RCN3: variants seen among roughly 807,000 people sequenced by gnomAD.
RCN3 encodes reticulocalbin 3.
In RCN3, 41 loss-of-function variants were observed where a neutral mutation model predicts 35.9. The ratio of observed to expected loss-of-function variants is 1.14; its 90% CI spans 0.89 to 1.48. The LOEUF (loss-of-function observed/expected upper bound fraction) is 1.48, where lower values mean the gene tolerates loss of function less well. Among genes scored for constraint, RCN3 ranks in the 40% most tolerant of loss-of-function variants. The pLI is 0.00. For synonymous variants in RCN3, 187 were observed against 193.4 expected, an observed-to-expected ratio of 0.97 and a Z score of 0.27; for missense variants, 451 against 471.3, an observed-to-expected ratio of 0.96 and a Z score of 0.40.
chr19:49,528,687 C>T lies in RCN3; in HGVS notation c.215C>T (p.Thr72Ile). ...REVAKEFDQL[T>I]PEESQARLGR... ...GTGGCCAAGGAATTCGACCAACTCA[C>T]CCCAGAGGAAAGCCAGGCCCGTCTG... Residue 72 changes from threonine (T) to isoleucine (I), a missense_variant, in exon 2 of 7, where the codon ACC becomes ATC. By Grantham distance (89) the Thr-to-Ile change is moderately conservative (BLOSUM62 -1). Transcript: ENST00000270645. 1 of 1,603,670 alleles carries T rather than the reference C, an allele frequency of 6.2e-7. No homozygotes were observed. The highest frequency in any genetic ancestry group is 8.5e-7 in the Non-Finnish European group (1 of 1,174,946).
intron 4 of RCN3, among the ~76,000 whole-genome samples, chr19:49,538,545 C>T (rs2080147943): frequency 6.6e-6 from 1 of 151,984 alleles, no homozygotes; most frequent in Non-Finnish European, 1.5e-5. Context: ...ATCCTGGGCT[C>T]AATCGATCCT....
chr19:49,542,100 T>C (rs2080165557), intron 5 of RCN3, among the ~76,000 whole-genome samples: 1 of 151,750 alleles, frequency 6.6e-6, no homozygotes, highest in Non-Finnish European at 1.5e-5. Context: ...GGTCTTGCTA[T>C]GTTGCCCAGG....
chr19:49,533,539 G>T (rs572700501), intron 2 of RCN3, among the ~76,000 whole-genome samples: 9 of 152,304 alleles, frequency 5.9e-5, no homozygotes, highest in African/African-American at 2.2e-4. Flanking sequence ...GGAGCCCGGA[G>T]GAGCATGGGG....
rs770319784 is a variant in RCN3, at chr19:49,543,160, AG to A, written c.935del (p.Ser312IlefsTer10). On this transcript the variant is annotated frameshift_variant, in exon 7 of 7. Transcript: ENST00000270645. LOFTEE classifies it high-confidence loss of function. ...GGGTAATTGGAACATGTTTGTGGGC[AG>A]TCAGGCCACCAACTATGGCGAGGAC... is the stretch of plus-strand genomic sequence containing the variant. ...ILGNWNMFVGSQATNYGEDLT... is the reference protein window; with the variant it reads ...ILGNWNMFVGXQATNYGEDLT... 126 of 1,614,132 alleles carry A rather than the reference AG, an allele frequency of 7.8e-5. 1 individual carries two copies. The African/African-American group carries it at 1.5e-3, about 20-fold the overall frequency.
intron 5 of RCN3, among the ~76,000 whole-genome samples, chr19:49,539,910 A>G (rs139362222): frequency 0.012 from 1,811 of 151,938 alleles, 28 homozygotes; most frequent in African/African-American, 0.041. Flanking sequence ...TTTAGTGGAG[A>G]TGGGATTTCA....
intron 3 of RCN3, among the ~76,000 whole-genome samples, chr19:49,535,763 T>A (rs1379132113): frequency 6.6e-6 from 1 of 150,502 alleles, no homozygotes; most frequent in Non-Finnish European, 1.5e-5. Flanking sequence ...GGCAAGAGAA[T>A]CACTTGAACC....
At chr19:49,529,100 G>C (rs928029457) in intron 2 of RCN3, among the ~76,000 whole-genome samples, 1 of 152,156 alleles carries the variant, frequency 6.6e-6, no homozygotes, top group African/African-American at 2.4e-5. Context: ...AGAATCGCTT[G>C]AACCTGGGAG....
At position 49,528,710 on chromosome 19, in the gene RCN3, C is replaced by T; in HGVS notation, c.238C>T (p.Leu80=). The T allele has an allele frequency of 6.3e-7, 1 of 1,588,140 alleles. No homozygotes were observed. Among genetic ancestry groups the T allele is most frequent in the Non-Finnish European group, 8.6e-7 (1 of 1,166,522 alleles). Residue 80 remains leucine, a synonymous_variant, in exon 2 of 7, where the codon CTG becomes TTG. Coordinates refer to ENST00000270645, the MANE Select transcript of RCN3 (RefSeq NM_020650.3). ...QLTPEESQAR[L]GRIVDRMDRA... Reference sequence around the variant, plus strand: ...CACCCCAGAGGAAAGCCAGGCCCGTCTGGGGTAAGAGAGACATTCGGTTGG... The same window carrying T: ...CACCCCAGAGGAAAGCCAGGCCCGTTTGGGGTAAGAGAGACATTCGGTTGG...
At chr19:49,536,875 C>G (rs530999713) in intron 3 of RCN3, among the ~76,000 whole-genome samples, 158 bp from the exon 4 acceptor site, 121 of 152,210 alleles carry the variant, frequency 7.9e-4, no homozygotes, top group Non-Finnish European at 1.4e-3. Flanking sequence ...CAAAGTGCTG[C>G]TATTACAGGC....
chr19:49,537,287 G>A (rs1181803684), intron 4 of RCN3, 82 bp downstream of exon 4: 7 of 1,312,898 alleles, frequency 5.3e-6, no homozygotes, highest in Admixed American at 2.8e-5. Context: ...TCCCAGCACC[G>A]ACCTGGGGGC....
intron 2 of RCN3, among the ~76,000 whole-genome samples, chr19:49,532,192 G>A: frequency 7.6e-6 from 1 of 131,808 alleles, no homozygotes; most frequent in East Asian, 2.5e-4. Flanking sequence ...TGCAAGCTGC[G>A]CCTCCCAGGT....
intron 5 of RCN3, among the ~76,000 whole-genome samples, chr19:49,542,229 C>A (rs1337228699): frequency 1.3e-5 from 2 of 152,282 alleles, no homozygotes; most frequent in Non-Finnish European, 2.9e-5. Context: ...AACATCCTCG[C>A]ACGTTCCTCC....
At chr19:49,538,459 G>T (rs2080147662) in intron 4 of RCN3, among the ~76,000 whole-genome samples, 1 of 151,450 alleles carries the variant, frequency 6.6e-6, no homozygotes, top group Non-Finnish European at 1.5e-5. Context: ...GAGCCACCAC[G>T]CCCGGCCATG....
intron 3 of RCN3, among the ~76,000 whole-genome samples, chr19:49,536,240 C>T (rs1248073921): frequency 2.0e-5 from 3 of 150,408 alleles, no homozygotes; most frequent in Admixed American, 6.6e-5. Context: ...CCCACCTCGG[C>T]CTCCCAAAGT....
intron 4 of RCN3, among the ~76,000 whole-genome samples, chr19:49,537,570 G>T (rs1305056873): frequency 6.6e-6 from 1 of 151,480 alleles, no homozygotes; most frequent in Admixed American, 6.6e-5. Context: ...GCAGTGGTGC[G>T]ATCTCAGCTC....
intron 5 of RCN3, 100 bp from the exon 6 acceptor site, chr19:49,542,453 A>G: frequency 1.2e-6 from 1 of 805,854 alleles, no homozygotes; most frequent in South Asian, 1.8e-5. Context: ...TGAGTTGCTC[A>G]AGGGCCTGGT....
rs1213645788 is a variant in RCN3 at position 49,534,282 on chromosome 19, A to G, written c.332A>G (p.Gln111Arg). Reference protein sequence around the residue: ...ELRAWIAHTQQRHIRDSVSAA... With the variant: ...ELRAWIAHTQRRHIRDSVSAA... ...CGCGCGTGGATCGCGCACACGCAGC[A>G]GCGGCACATACGGGACTCGGTGAGC... is the stretch of plus-strand genomic sequence containing the variant. Residue 111 changes from glutamine to arginine, a missense_variant, in exon 3 of 7, where the codon CAG becomes CGG. By Grantham distance (43) the Gln-to-Arg change is conservative (BLOSUM62 1). Transcript: ENST00000270645. The G allele has an allele frequency of 1.4e-6, 2 of 1,471,418 alleles. No homozygotes were observed. Among genetic ancestry groups the G allele is most frequent in the South Asian group, 1.4e-5 (1 of 72,960 alleles). 91.1% of individuals were successfully genotyped at this position (1,471,418 alleles called of 1,614,324 possible).
chr19:49,536,640 CCTCT>C (rs1465906459), intron 3 of RCN3, among the ~76,000 whole-genome samples: 2 of 149,726 alleles, frequency 1.3e-5, no homozygotes, highest in African/African-American at 2.5e-5. Flanking sequence ...ACATAGCCTC[CCTCT>C]GTCGCCCAGG....
chr19:49,534,430 A>AC (rs1286366987), intron 3 of RCN3, 35 bp downstream of exon 3: 1 of 1,529,948 alleles, frequency 6.5e-7, no homozygotes, highest in Non-Finnish European at 8.8e-7. Context: ...CTCCCCATAC[A>AC]CCGTGACCCT....
Sources: gnomAD v4.1 joint callset for allele counts (sites outside exome capture counted in the v4.1 genomes callset) on GRCh38, gnomAD v4.1.1 for gene constraint, MANE v1.5 for transcripts, NCBI Gene and HGNC (gene_info 2026-07-23, HGNC 2026-07-21) for gene names.